Variants in IPO7 observed in about 807,000 individuals in gnomAD.
The protein encoded by IPO7 is importin-7.
IPO7 carries 13 observed loss-of-function variants against 136.4 expected under a neutral mutation model. The observed-to-expected ratio is 0.10, with a 90% confidence interval of 0.06 to 0.15. IPO7 has a LOEUF of 0.15. Ranked by LOEUF, IPO7 falls within the 10% of genes least tolerant of loss-of-function variation. The pLI, the probability that IPO7 is intolerant of heterozygous loss-of-function variation, is 1.00. For missense variants in IPO7, 857 were observed against 1,240.6 expected, an observed-to-expected ratio of 0.69 and a Z score of 4.65; for synonymous variants, 403 against 404.4, an observed-to-expected ratio of 1.00 and a Z score of 0.04.
At chr11:9,410,327 A>G (rs1251682858) in intron 4 of IPO7, among the ~76,000 whole-genome samples, 1 of 152,158 alleles carries the variant, frequency 6.6e-6, no homozygotes, top group Non-Finnish European at 1.5e-5. Context: ...TTACCTATTC[A>G]AAAACTAAGT....
intron 1 of IPO7, among the ~76,000 whole-genome samples, chr11:9,400,164 T>G (rs1854772450): frequency 6.6e-6 from 1 of 152,218 alleles, no homozygotes; most frequent in Non-Finnish European, 1.5e-5. Flanking sequence ...AAGTACTGTT[T>G]GTATTATTTT....
chr11:9,420,727 G>A, intron 8 of IPO7, 29 bp downstream of exon 8: 1 of 1,406,738 alleles, frequency 7.1e-7, no homozygotes, highest in Non-Finnish European at 1.0e-6. Flanking sequence ...TTTCTCAGTG[G>A]AAACATGGCA....
chr11:9,395,417 G>A (rs1854694479), intron 1 of IPO7, among the ~76,000 whole-genome samples: 1 of 151,624 alleles, frequency 6.6e-6, no homozygotes, highest in African/African-American at 2.4e-5. Flanking sequence ...TTAATTGTAT[G>A]TTTACCAGAG....
Position 9,408,603 on chromosome 11 carries a change from T to C in IPO7, c.284T>C (p.Ile95Thr). 1 of 1,610,158 alleles carries C rather than the reference T, an allele frequency of 6.2e-7. No homozygotes were observed. Among genetic ancestry groups the C allele is most frequent in the Non-Finnish European group, 8.5e-7 (1 of 1,178,348 alleles). ...GATCGCCATTGTATTCGAGAAAATA[T>C]TGTAGAAGCCATTATCCATTCTCCT... ...EEDRHCIREN[I>T]VEAIIHSPEL... Residue 95 changes from isoleucine (I) to threonine (T), a missense_variant, in exon 3 of 25, where the codon ATT (isoleucine) becomes ACT (threonine). Ile to Thr is a moderately conservative substitution (Grantham distance 89). Coordinates refer to ENST00000379719, the MANE Select transcript of IPO7 (RefSeq NM_006391.3).
In IPO7 at chr11:9,410,045, A is replaced by G. The variant is rs1854947454; in HGVS notation, c.438A>G (p.Leu146=). The G allele has an allele frequency of 7.5e-6, 12 of 1,604,576 alleles. No homozygotes were observed. Among genetic ancestry groups the G allele is most frequent in the Non-Finnish European group, 1.0e-5 (12 of 1,176,552 alleles). The change falls in exon 4 of 25, where the codon CTA becomes CTG. Residue 146 remains leucine, a synonymous_variant. Transcript: ENST00000379719. The part of the protein sequence containing the change: ...YLQSDNSACW[L]GILLCLYQLV... Reference sequence around the variant, plus strand: ...AGTCCGATAACAGTGCTTGTTGGCTAGGAATTCTTCTTTGCCTTTATCAGC... The same window carrying G: ...AGTCCGATAACAGTGCTTGTTGGCTGGGAATTCTTCTTTGCCTTTATCAGC...
intron 4 of IPO7, among the ~76,000 whole-genome samples, chr11:9,413,167 C>T (rs1010530297): frequency 1.3e-5 from 2 of 151,992 alleles, no homozygotes; most frequent in Non-Finnish European, 2.9e-5. Flanking sequence ...CGTGAGCCAC[C>T]GCGCCCGGCC....
Position 9,445,158 on chromosome 11 carries a change from T to C in IPO7, c.3081T>C (p.Ser1027=), listed in dbSNP as rs1388178866. Residue 1027 remains serine, a synonymous_variant, in exon 25 of 25, where the codon TCT becomes TCC. Coordinates refer to ENST00000379719, the MANE Select transcript of IPO7 (RefSeq NM_006391.3). ...TCAGTGCTCCAGTTGTGCCAAGTTC[T>C]TTCAATTTTGGAGGCCCAGCACCAG... The part of the protein sequence containing the change: ...YKFSAPVVPS[S]FNFGGPAPGM... The C allele has an allele frequency of 2.5e-6, 4 of 1,610,762 alleles. No homozygotes were observed. Among genetic ancestry groups the C allele is most frequent in the Non-Finnish European group, 3.4e-6 (4 of 1,176,914 alleles).
rs1855402013 is a variant in IPO7 at position 9,437,893 on chromosome 11, A to G, written c.2408A>G (p.Asn803Ser). The G allele has an allele frequency of 8.1e-6, 13 of 1,613,928 alleles. No individual in the cohort carries two copies. The highest frequency in any genetic ancestry group is 1.1e-5 in the Non-Finnish European group (13 of 1,179,870). The change falls in exon 21 of 25, where the codon AAT becomes AGT. Residue 803 changes from asparagine (N) to serine (S), a missense_variant. By Grantham distance (46) the Asn-to-Ser change is conservative. Around this residue, in one of 11 missense-constraint regions of IPO7, gnomAD observed 190 missense variants for 249.0 expected, o/e 0.76. Coordinates refer to ENST00000379719, the MANE Select transcript of IPO7 (RefSeq NM_006391.3). ...NPHLLLNTLENLRFPNNVEPV... is the reference protein window; with the variant it reads ...NPHLLLNTLESLRFPNNVEPV... ...CACCTACTACTCAATACCTTAGAAA[A>G]TCTTCGCTTCCCTAATAATGTTGAA...
At position 9,446,233 on chromosome 11, in the gene IPO7, C is replaced by T. The variant is rs1426481176; in HGVS notation, c.*1039C>T. 6.6e-6 allele frequency: 1 copy of T among 152,154 alleles called. No homozygotes were observed. The highest frequency in any genetic ancestry group is 1.5e-5 in the Non-Finnish European group (1 of 68,024). 9.4% of individuals were successfully genotyped at this position (152,154 alleles called of 1,614,324 possible). ...AAAGAACTTAATTCGGCTATTATGT[C>T]TTGATTTGATTGCAGTTTTTTCCTA... On this transcript the variant is annotated 3_prime_UTR_variant, in exon 25 of 25. Transcript: ENST00000379719.
At chr11:9,421,149 C>T (rs549479432) in intron 8 of IPO7, among the ~76,000 whole-genome samples, 19 of 151,484 alleles carry the variant, frequency 1.3e-4, no homozygotes, top group South Asian at 1.3e-3. Flanking sequence ...TTAGTAGAGA[C>T]GGGTTTTCTC....
At chr11:9,385,029 T>A (rs1167856582) in intron 1 of IPO7, among the ~76,000 whole-genome samples, 182 bp downstream of exon 1, 1 of 152,120 alleles carries the variant, frequency 6.6e-6, no homozygotes, top group African/African-American at 2.4e-5. Context: ...TGGTGGTGGC[T>A]GCAGCCAAGG....
At chr11:9,413,491 AT>A (rs1854997558) in intron 4 of IPO7, among the ~76,000 whole-genome samples, 1 of 151,834 alleles carries the variant, frequency 6.6e-6, no homozygotes, top group Non-Finnish European at 1.5e-5. Context: ...CTAATTTATT[AT>A]TTATAATTTA....
At chr11:9,421,308 A>G (rs905133871) in intron 8 of IPO7, among the ~76,000 whole-genome samples, 4 of 150,288 alleles carry the variant, frequency 2.7e-5, no homozygotes, top group Non-Finnish European at 3.0e-5. Context: ...CACCAGTAAC[A>G]TATTGTCAGC....
At chr11:9,386,971 C>T (rs1418290515) in intron 1 of IPO7, among the ~76,000 whole-genome samples, 1 of 152,150 alleles carries the variant, frequency 6.6e-6, no homozygotes, top group Non-Finnish European at 1.5e-5. Flanking sequence ...TATTTACTTT[C>T]ATTCCATTTT....
intron 1 of IPO7, among the ~76,000 whole-genome samples, chr11:9,399,165 G>C (rs1026990186): frequency 6.8e-6 from 1 of 147,928 alleles, no homozygotes; most frequent in African/African-American, 2.5e-5. Context: ...GAAAATGGAT[G>C]CTTTTTTTTT....
In IPO7 at chr11:9,432,989, G is replaced by GTTTTTTTTTTTTTTTTTTTTTTTTTTTT. The variant is rs397953468; in HGVS notation, c.1882-565_1882-564insTTTTTTTTTTTTTTTTTTTTTTTTTTTT. ...TAACAGATGGGCTATCTTCCAAATG[G>GTTTTTTTTTTTTTTTTTTTTTTTTTTTT]TTTTTTTTTTTTTTTTGAGATGGAG... On this transcript the variant is annotated intron_variant, in intron 16 of 24. Transcript: ENST00000379719. The GTTTTTTTTTTTTTTTTTTTTTTTTTTTT allele has an allele frequency of 2.9e-4, 36 of 123,240 alleles. 1 individual carries two copies. The highest frequency in any genetic ancestry group is 9.9e-4 in the African/African-American group (34 of 34,344). 7.6% of individuals were successfully genotyped at this position (123,240 alleles called of 1,614,324 possible).
At chr11:9,393,925 C>T (rs1854673151) in intron 1 of IPO7, among the ~76,000 whole-genome samples, 1 of 151,838 alleles carries the variant, frequency 6.6e-6, no homozygotes, top group Non-Finnish European at 1.5e-5. Context: ...TCTCTGTCTC[C>T]CAGCTGTAGT....
chr11:9,417,596 T>C (rs1462002438), intron 6 of IPO7, among the ~76,000 whole-genome samples: 1 of 152,130 alleles, frequency 6.6e-6, no homozygotes, highest in African/African-American at 2.4e-5. Flanking sequence ...TAAAATTTAT[T>C]CTTTTAAAGT....
At chr11:9,385,474 C>T (rs1417892156) in intron 1 of IPO7, among the ~76,000 whole-genome samples, 1 of 152,172 alleles carries the variant, frequency 6.6e-6, no homozygotes, top group Non-Finnish European at 1.5e-5. Context: ...TTCCGCTGTC[C>T]TAATGCTTCA....
Sources: gnomAD v4.1 joint callset for allele counts (sites outside exome capture counted in the v4.1 genomes callset) on GRCh38, gnomAD v4.1.1 for gene constraint, gnomAD v4.1.1 regional missense constraint, MANE v1.5 for transcripts, NCBI Gene and HGNC (gene_info 2026-07-23, HGNC 2026-07-21) for gene names.